The following OXR1 variants were observed in gnomAD, a reference collection of about 807,000 sequenced individuals.
OXR1 encodes oxidation resistance 1.
A neutral mutation model predicts 104.6 loss-of-function variants in OXR1; 41 were observed. The ratio of observed to expected loss-of-function variants is 0.39; its 90% CI spans 0.31 to 0.51. The LOEUF (loss-of-function observed/expected upper bound fraction) is 0.51, where lower values mean the gene tolerates loss of function less well. Among genes scored for constraint, OXR1 ranks in the 20% least tolerant of loss-of-function variants. The pLI is 0.77. For synonymous variants in OXR1, 348 were observed against 348.4 expected (o/e 1.00, Z 0.01); for missense variants, 955 against 1,031.9 (o/e 0.93, Z 1.02).
At chr8:106,549,790 C>G (rs1379525643) in intron 3 of OXR1, among the ~76,000 whole-genome samples, 1 of 152,172 alleles carries the variant, frequency 6.6e-6, no homozygotes, top group African/African-American at 2.4e-5. Flanking sequence ...TTCATCATGG[C>G]TCTGCTCTCA....
intron 10 of OXR1, among the ~76,000 whole-genome samples, 158 bp downstream of exon 10, chr8:106,710,948 T>A (rs1430955420): frequency 6.6e-6 from 1 of 152,144 alleles, no homozygotes; most frequent in Non-Finnish European, 1.5e-5. Context: ...TACTTTATAA[T>A]TTGCCCCATT....
At chr8:106,472,892 C>G (rs1383617317) in intron 2 of OXR1, among the ~76,000 whole-genome samples, 1 of 151,800 alleles carries the variant, frequency 6.6e-6, no homozygotes, top group Non-Finnish European at 1.5e-5. Context: ...ACCTTATACT[C>G]TTGAGTTTTT....
At chr8:106,336,562 A>G (rs1195517242) in intron 1 of OXR1, among the ~76,000 whole-genome samples, 2 of 152,196 alleles carry the variant, frequency 1.3e-5, no homozygotes, top group African/African-American at 4.8e-5. Flanking sequence ...CCTACATTCA[A>G]ACTGATGAAT....
chr8:106,639,373 C>T (rs1267149305), intron 3 of OXR1, among the ~76,000 whole-genome samples: 1 of 152,134 alleles, frequency 6.6e-6, no homozygotes, highest in Non-Finnish European at 1.5e-5. Flanking sequence ...AAACAATGGC[C>T]TTCTGTAAAT....
At chr8:106,405,138 CCA>C (rs1818163843) in intron 2 of OXR1, among the ~76,000 whole-genome samples, 1 of 89,216 alleles carries the variant, frequency 1.1e-5, no homozygotes, top group African/African-American at 4.2e-5. Context: ...AATTCAGAAA[CCA>C]CATATATATA....
intron 6 of OXR1, among the ~76,000 whole-genome samples, chr8:106,691,619 C>CATAG (rs1554621610): frequency 2.1e-5 from 3 of 140,984 alleles, no homozygotes; most frequent in Non-Finnish European, 4.6e-5. Flanking sequence ...CATATATATA[C>CATAG]ATATATATAT....
chr8:106,606,255 C>T (rs1820377097), intron 3 of OXR1, among the ~76,000 whole-genome samples: 1 of 151,320 alleles, frequency 6.6e-6, no homozygotes, highest in African/African-American at 2.4e-5. Context: ...AATGTCCCAG[C>T]AAGTCTTCCT....
At chr8:106,373,981 G>C (rs2130384050) in intron 2 of OXR1, among the ~76,000 whole-genome samples, 1 of 152,340 alleles carries the variant, frequency 6.6e-6, no homozygotes, top group South Asian at 2.1e-4. Flanking sequence ...CCTAGCCAAA[G>C]TAGTGTCAAT....
chr8:106,467,963 G>A (rs970199988), intron 2 of OXR1, among the ~76,000 whole-genome samples: 14 of 151,868 alleles, frequency 9.2e-5, no homozygotes, highest in Non-Finnish European at 1.8e-4. Context: ...GTTAAAGTAT[G>A]AGGGAAAAGT....
chr8:106,590,955 G>A (rs1819032880), intron 3 of OXR1, among the ~76,000 whole-genome samples: 1 of 152,064 alleles, frequency 6.6e-6, no homozygotes, highest in African/African-American at 2.4e-5. Flanking sequence ...TTTGAGATAA[G>A]TACACATTTT....
intron 1 of OXR1, among the ~76,000 whole-genome samples, chr8:106,326,724 G>A (rs1002674831): frequency 1.3e-5 from 2 of 152,140 alleles, no homozygotes; most frequent in Non-Finnish European, 2.9e-5. Context: ...GTGGGAACAT[G>A]CCTGGAACAT....
intron 15 of OXR1, among the ~76,000 whole-genome samples, chr8:106,745,452 G>A (rs749884475): frequency 2.0e-5 from 3 of 151,986 alleles, no homozygotes; most frequent in Admixed American, 1.3e-4. Flanking sequence ...ATTTGTGTCC[G>A]ATTTTTTTTC....
intron 2 of OXR1, among the ~76,000 whole-genome samples, chr8:106,492,959 A>G (rs553891497): frequency 3.3e-5 from 5 of 152,288 alleles, no homozygotes; most frequent in African/African-American, 1.2e-4. Context: ...TTTTTTTTCT[A>G]AAATGCATTG....
chr8:106,628,009 C>G (rs1211923914), intron 3 of OXR1, among the ~76,000 whole-genome samples: 1 of 152,186 alleles, frequency 6.6e-6, no homozygotes, highest in Non-Finnish European at 1.5e-5. Flanking sequence ...CCTTTCCAAT[C>G]CATTATCCAC....
chr8:106,630,540 G>A (rs1277399479), intron 3 of OXR1, among the ~76,000 whole-genome samples: 1 of 152,056 alleles, frequency 6.6e-6, no homozygotes, highest in Non-Finnish European at 1.5e-5. Context: ...AGGTTTCTTT[G>A]TCTTTTCACT....
chr8:106,447,136 T>C (rs762852488), intron 2 of OXR1, among the ~76,000 whole-genome samples: 1 of 152,232 alleles, frequency 6.6e-6, no homozygotes, highest in Non-Finnish European at 1.5e-5. Context: ...TCATCATACA[T>C]ATCTCTTATT....
At chr8:106,331,744 A>G (rs186492512) in intron 1 of OXR1, among the ~76,000 whole-genome samples, 3 of 152,156 alleles carry the variant, frequency 2.0e-5, no homozygotes, top group African/African-American at 7.2e-5. Flanking sequence ...GTTCTGTACC[A>G]GCTTGGCCAA....
chr8:106,277,569 C>T (rs1332005682), intron 1 of OXR1, among the ~76,000 whole-genome samples: 1 of 152,248 alleles, frequency 6.6e-6, no homozygotes, highest in Non-Finnish European at 1.5e-5. Flanking sequence ...TGATTCATGA[C>T]TGTGTAAGTG....
intron 3 of OXR1, among the ~76,000 whole-genome samples, chr8:106,520,242 G>GT (rs1813163619): frequency 7.6e-6 from 1 of 132,306 alleles, no homozygotes; most frequent in East Asian, 2.4e-4. Flanking sequence ...TCCTAGAAAT[G>GT]ATCATCAGGA....
Sources: gnomAD v4.1 joint callset for allele counts (sites outside exome capture counted in the v4.1 genomes callset) on GRCh38, gnomAD v4.1.1 for gene constraint, MANE v1.5 for transcripts, NCBI Gene and HGNC (gene_info 2026-07-23, HGNC 2026-07-21) for gene names.